The following ELAVL4 variants were observed in gnomAD, a reference collection of about 807,000 sequenced individuals.
ELAVL4 encodes ELAV-like protein 4.
A neutral mutation model predicts 35.6 loss-of-function variants in ELAVL4; 1 was observed. The observed-to-expected ratio is 0.03, with a 90% CI of 0.01 to 0.13. The LOEUF (loss-of-function observed/expected upper bound fraction) is 0.13, where lower values mean the gene tolerates loss of function less well. Among genes scored for constraint, ELAVL4 ranks in the 10% least tolerant of loss-of-function variants. ELAVL4 has a pLI of 1.00. For missense variants in ELAVL4, 267 were observed against 464.9 expected, an observed-to-expected ratio of 0.57 and a Z score of 3.91; for synonymous variants, 156 against 171.0, an observed-to-expected ratio of 0.91 and a Z score of 0.69.
intron 1 of ELAVL4, among the ~76,000 whole-genome samples, chr1:50,070,740 C>CAAAAAAAA (rs34633476): frequency 2.6e-5 from 2 of 77,134 alleles, no homozygotes; most frequent in African/African-American, 4.8e-5. Context: ...GACTCCATCT[C>CAAAAAAAA]AAAAAAAAAA....
At position 50,048,132 on chromosome 1, in the gene ELAVL4, C is replaced by G. The variant is rs1179374538; in HGVS notation, c.-33C>G. On this transcript the variant is annotated 5_prime_UTR_variant, in exon 1 of 7. Transcript: ENST00000448907. The stretch of plus-strand genomic sequence containing the variant: ...GCCGCGCTCCGCCCCACCCAGCCTC[C>G]GCAGCCTCGGGCCGGATCGCCCGGC... 7 of 1,510,918 alleles carry G rather than the reference C, an allele frequency of 4.6e-6. No individual in the cohort carries two copies. The South Asian group carries it at 6.2e-5, about 13-fold the overall frequency. 93.6% of individuals were successfully genotyped at this position (1,510,918 alleles called of 1,614,324 possible).
At chr1:50,085,181 A>C (rs1037436014) in intron 1 of ELAVL4, among the ~76,000 whole-genome samples, 2 of 152,210 alleles carry the variant, frequency 1.3e-5, no homozygotes, top group Non-Finnish European at 2.9e-5. Context: ...AGTCTTAGCT[A>C]TTTTGATAGG....
intron 2 of ELAVL4, among the ~76,000 whole-genome samples, chr1:50,147,622 G>A (rs1459820845): frequency 1.3e-5 from 2 of 152,176 alleles, no homozygotes; most frequent in Admixed American, 6.6e-5. Flanking sequence ...AGAGGCTGCA[G>A]CTGGTGGTTC....
chr1:50,193,661 G>T, intron 3 of ELAVL4, 104 bp from the exon 4 acceptor site: 1 of 1,382,186 alleles, frequency 7.2e-7, no homozygotes, highest in South Asian at 1.4e-5. Flanking sequence ...CTGACACCAT[G>T]AGTTGTAACG....
At chr1:50,165,658 GTA>G (rs1309856838) in intron 2 of ELAVL4, among the ~76,000 whole-genome samples, 2 of 146,500 alleles carry the variant, frequency 1.4e-5, no homozygotes, top group African/African-American at 2.5e-5. Flanking sequence ...ATATATGTGT[GTA>G]TATATGTATA....
At chr1:50,106,360 T>G, upstream of ELAVL4, 1 of 1,613,688 alleles carries the variant, frequency 6.2e-7, no homozygotes, top group Non-Finnish European at 8.5e-7. Flanking sequence ...TAAGGGAAAT[T>G]GTCATTAATG....
rs1016889621 is a variant in ELAVL4, at chr1:50,092,198, T to G, written c.18+44016T>G. 2.0e-5 allele frequency among the ~76,000 whole-genome samples: 3 copies of G among 152,316 alleles called. No homozygotes were observed. The East Asian group carries it at 5.8e-4, about 29-fold the overall frequency. The stretch of plus-strand genomic sequence containing the variant: ...ATAGACAAGTTATGATGGGTATATG[T>G]GTGGGGAAGGGCCAGGATTGGAAAC... On this transcript the variant is annotated intron_variant, in intron 1 of 6. Coordinates refer to the ELAVL4 transcript ENST00000448907.
Position 50,185,765 on chromosome 1 carries a change from A to G in ELAVL4, c.355-8000A>G, listed in dbSNP as rs534951137. ...CCATCTACATGTTTCAGTGATGAGT[A>G]AGGGAGTAAAGAATGAGTCTGAATT... On this transcript the variant is annotated intron_variant, in intron 3 of 6. Transcript: ENST00000371824. Among the ~76,000 whole-genome samples, 7 of 152,334 alleles carry G rather than the reference A, an allele frequency of 4.6e-5. No homozygotes were observed. In the South Asian group the frequency reaches 1.2e-3, roughly 27 times the overall value.
chr1:50,105,358 A>G (rs962553627), upstream of ELAVL4, among the ~76,000 whole-genome samples: 9 of 152,216 alleles, frequency 5.9e-5, no homozygotes, highest in African/African-American at 1.9e-4. Flanking sequence ...GCTGAATGAA[A>G]CAAAGCTTGT....
At chr1:50,109,933 G>A (rs1173293960) in intron 1 of ELAVL4, 1 of 1,612,226 alleles carries the variant, frequency 6.2e-7, no homozygotes, top group African/African-American at 1.3e-5. Flanking sequence ...ATCTTCTTCT[G>A]ATCACAGATG....
At chr1:50,169,109 T>C (rs1678528550) in intron 2 of ELAVL4, among the ~76,000 whole-genome samples, 1 of 151,852 alleles carries the variant, frequency 6.6e-6, no homozygotes, top group Admixed American at 6.6e-5. Context: ...CTGAAGAACT[T>C]GGAGTCCGAT....
intron 1 of ELAVL4, among the ~76,000 whole-genome samples, chr1:50,111,154 T>C (rs574993280): frequency 6.6e-6 from 1 of 151,974 alleles, no homozygotes; most frequent in Admixed American, 6.5e-5. Context: ...CGTGTGTGTG[T>C]GCGCGTGTGG....
chr1:50,161,128 T>C (rs1203940921), intron 2 of ELAVL4, among the ~76,000 whole-genome samples: 1 of 152,234 alleles, frequency 6.6e-6, no homozygotes, highest in Non-Finnish European at 1.5e-5. Flanking sequence ...GCATCCACTC[T>C]GGGTGGAATG....
At chr1:50,173,502 T>A (rs148584696) in intron 2 of ELAVL4, among the ~76,000 whole-genome samples, 1 of 152,368 alleles carries the variant, frequency 6.6e-6, no homozygotes, top group African/African-American at 2.4e-5. Flanking sequence ...GCATGATAAC[T>A]GGTGACCATT....
chr1:50,087,681 GT>G (rs1665311265), intron 1 of ELAVL4, among the ~76,000 whole-genome samples: 1 of 152,064 alleles, frequency 6.6e-6, no homozygotes, highest in African/African-American at 2.4e-5. Flanking sequence ...GGTAATTAAG[GT>G]TAAATGAGGT....
rs538892364 is a variant in ELAVL4, at chr1:50,137,450, G to C, written c.10-7507G>C. 4.0e-5 allele frequency among the ~76,000 whole-genome samples: 6 copies of C among 151,760 alleles called. No homozygotes were observed. In the South Asian group the frequency reaches 1.3e-3, roughly 32 times the overall value. ...ACTACTCAGGAGGTTGAGGTGGGAG[G>C]ATCACTTGAGCCCAGGAGTTCAAGT... On this transcript the variant is annotated intron_variant, in intron 1 of 6. Transcript: ENST00000371824.
intron 1 of ELAVL4, among the ~76,000 whole-genome samples, chr1:50,084,416 A>G (rs903208224): frequency 6.6e-6 from 1 of 152,196 alleles, no homozygotes; most frequent in African/African-American, 2.4e-5. Context: ...AACCACTGTT[A>G]ACATTCTAGA....
chr1:50,179,138 G>GC (rs889466873), intron 3 of ELAVL4, among the ~76,000 whole-genome samples: 1 of 151,988 alleles, frequency 6.6e-6, no homozygotes, highest in African/African-American at 2.4e-5. Flanking sequence ...GAGTCAGTCT[G>GC]CCTCCTTCCG....
At chr1:50,094,508 G>C (rs1034566790) in intron 1 of ELAVL4, among the ~76,000 whole-genome samples, 1 of 152,172 alleles carries the variant, frequency 6.6e-6, no homozygotes, top group Non-Finnish European at 1.5e-5. Context: ...ACAGGATCAA[G>C]ATACCAGCTT....
Sources: gnomAD v4.1 joint callset for allele counts (sites outside exome capture counted in the v4.1 genomes callset) on GRCh38, gnomAD v4.1.1 for gene constraint, MANE v1.5 for transcripts, NCBI Gene and HGNC (gene_info 2026-07-23, HGNC 2026-07-21) for gene names.